The following GPHN variants were observed in gnomAD, a reference collection of about 807,000 sequenced individuals.
GPHN encodes gephyrin.
Under a neutral mutation model 95.5 loss-of-function variants are expected in GPHN, and 17 were observed. The observed-to-expected ratio is 0.18, with a 90% CI of 0.12 to 0.27. The LOEUF is 0.27. GPHN is among the 10% of genes least tolerant of loss of function. The pLI is 1.00. For missense variants in GPHN, 660 were observed against 978.1 expected, an observed-to-expected ratio of 0.67 and a Z score of 4.34; for synonymous variants, 320 against 322.5, an observed-to-expected ratio of 0.99 and a Z score of 0.08.
the GPHN span, among the ~76,000 whole-genome samples, chr14:67,288,014 T>C: frequency 6.6e-6 from 1 of 152,272 alleles, no homozygotes; most frequent in African/African-American, 2.4e-5. Context: ...TGCTTGTTGA[T>C]TTCAGTCAGT....
intron 4 of GPHN, among the ~76,000 whole-genome samples, chr14:66,851,276 T>C (rs947157381): frequency 7.2e-5 from 11 of 152,070 alleles, no homozygotes; most frequent in Non-Finnish European, 5.9e-5. Flanking sequence ...AAATGGCCCT[T>C]GTTCCCCCTT....
intron 2 of GPHN, among the ~76,000 whole-genome samples, chr14:66,749,947 T>C (rs2058306459): frequency 2.0e-5 from 3 of 151,870 alleles, no homozygotes; most frequent in Admixed American, 2.0e-4. Flanking sequence ...TCAGGGTAAA[T>C]GGAGTATCCA....
intron 1 of GPHN, among the ~76,000 whole-genome samples, chr14:66,669,306 G>A (rs952253209): frequency 8.6e-5 from 13 of 151,180 alleles, no homozygotes; most frequent in African/African-American, 2.9e-4. Context: ...GGAGGTTGTG[G>A]TGAGCCGAGA....
chr14:67,720,236 A>G, the GPHN span, among the ~76,000 whole-genome samples: 1 of 152,148 alleles, frequency 6.6e-6, no homozygotes, highest in Non-Finnish European at 1.5e-5. Flanking sequence ...TTGGGTTGTT[A>G]TTCCTTTTCT....
At chr14:67,437,749 C>G in the GPHN span, among the ~76,000 whole-genome samples, 22,586 of 151,834 alleles carry the variant, frequency 0.15, 2,655 homozygotes, top group African/African-American at 0.32. Context: ...AGGAAACAGG[C>G]CTGAATCCCA....
At chr14:66,814,628 GT>G (rs1210106641) in intron 3 of GPHN, among the ~76,000 whole-genome samples, 1 of 151,992 alleles carries the variant, frequency 6.6e-6, no homozygotes, top group Non-Finnish European at 1.5e-5. Context: ...AACCCTCAAG[GT>G]TATCAAATAG....
the GPHN span, among the ~76,000 whole-genome samples, chr14:67,366,111 C>G: frequency 6.9e-6 from 1 of 144,540 alleles, no homozygotes; most frequent in African/African-American, 2.6e-5. Flanking sequence ...GAATTGGGGT[C>G]TTGCTCTGTC....
the GPHN span, among the ~76,000 whole-genome samples, chr14:67,565,416 T>A: frequency 4.6e-5 from 7 of 152,052 alleles, no homozygotes; most frequent in Non-Finnish European, 1.0e-4. Flanking sequence ...GCTAATTTTT[T>A]AAATTTTTTG....
At chr14:66,832,445 A>G (rs2061615241) in intron 4 of GPHN, among the ~76,000 whole-genome samples, 1 of 152,220 alleles carries the variant, frequency 6.6e-6, no homozygotes, top group Admixed American at 6.5e-5. Context: ...GCTATTGTTA[A>G]CTACAAACAT....
At chr14:66,887,325 C>T (rs2064246864) in intron 5 of GPHN, among the ~76,000 whole-genome samples, 1 of 152,162 alleles carries the variant, frequency 6.6e-6, no homozygotes, top group Non-Finnish European at 1.5e-5. Context: ...CATGGTGGCT[C>T]ACACCTATAA....
At chr14:66,787,772 CAA>C (rs554568137) in intron 3 of GPHN, among the ~76,000 whole-genome samples, 6 of 130,594 alleles carry the variant, frequency 4.6e-5, no homozygotes, top group African/African-American at 2.8e-5. Flanking sequence ...AATCAACAGG[CAA>C]AAAAAAAAAG....
At chr14:67,179,788 T>C in intron 22 of GPHN, 114 bp downstream of exon 22, 1 of 703,738 alleles carries the variant, frequency 1.4e-6, no homozygotes, top group Non-Finnish European at 2.5e-6. Flanking sequence ...ATTTTTCTTT[T>C]TGAAAAGTTA....
the GPHN span, chr14:67,533,165 GAGCGTTGAATGGGGCGC>G: frequency 6.6e-6 from 1 of 152,156 alleles, no homozygotes; most frequent in Non-Finnish European, 1.5e-5. Context: ...GCGCCCGGCG[GAGCGTTGAATGGGGCGC>G]AGCAAGGCTC....
chr14:66,508,385 GCCTCCCCCT>G lies in GPHN; in HGVS notation c.-139_-131del. 2.5e-6 allele frequency: 2 copies of G among 790,344 alleles called. No individual in the cohort carries two copies. The highest frequency in any genetic ancestry group is 2.2e-6 in the Non-Finnish European group (1 of 447,268). The allele number at this position is 790,344 out of a possible 1,614,324, so 49.0% of individuals were successfully genotyped here. On this transcript the variant is annotated 5_prime_UTR_variant, in exon 1 of 23. Coordinates refer to ENST00000478722, the MANE Select transcript of GPHN (RefSeq NM_020806.5). Reference sequence around the variant, plus strand: ...CACGCAGGCCACCGTGCACTCTGTGGCCTCCCCCTCCTTCCCCGCTCTCCTCGCGCTTCT... The same window carrying G: ...CACGCAGGCCACCGTGCACTCTGTGGCCTTCCCCGCTCTCCTCGCGCTTCT...
At chr14:67,180,679 TTGATCATCC>T in intron 22 of GPHN, 116 bp from the exon 23 acceptor site, 1 of 871,304 alleles carries the variant, frequency 1.1e-6, no homozygotes, top group East Asian at 2.6e-5. Flanking sequence ...ACTGGAAAGT[TTGATCATCC>T]CTTCTCCTCT....
intron 2 of GPHN, among the ~76,000 whole-genome samples, chr14:66,774,879 A>G (rs894144331): frequency 1.3e-5 from 2 of 152,256 alleles, no homozygotes; most frequent in African/African-American, 2.4e-5. Flanking sequence ...TATTTAAAAT[A>G]CTGTAGGAAA....
intron 17 of GPHN, among the ~76,000 whole-genome samples, chr14:67,125,692 G>A (rs771545553): frequency 2.0e-5 from 3 of 151,902 alleles, no homozygotes; most frequent in Admixed American, 6.6e-5. Context: ...CAGGGGAATC[G>A]CTTGAATGTG....
intron 1 of GPHN, among the ~76,000 whole-genome samples, chr14:66,579,148 G>A (rs970683724): frequency 2.0e-5 from 3 of 151,720 alleles, no homozygotes; most frequent in African/African-American, 7.2e-5. Context: ...TGTTACAACC[G>A]TAATATGTTT....
rs574776520 is a variant in GPHN at position 66,713,718 on chromosome 14, T to C, written c.143+32533T>C. On this transcript the variant is annotated intron_variant, in intron 2 of 22. Transcript: ENST00000478722. The stretch of plus-strand genomic sequence containing the variant: ...GGATTGGGTTGAATTTGTAGATTGC[T>C]TTTGGCACTATGTCATTTTCTTTGT... Among the ~76,000 whole-genome samples the C allele has an allele frequency of 2.0e-5, 3 of 151,900 alleles. No homozygotes were observed. In the South Asian group the frequency reaches 6.2e-4, roughly 32 times the overall value.
Sources: allele counts gnomAD v4.1 joint callset (sites outside exome capture counted in the v4.1 genomes callset), GRCh38; gene constraint gnomAD v4.1.1; transcripts MANE v1.5; gene names NCBI Gene and HGNC (gene_info 2026-07-23, HGNC 2026-07-21).